Variants in RBFOX1 observed in about 807,000 individuals in gnomAD.
The protein encoded by RBFOX1 is RNA binding fox-1 homolog 1.
Under a neutral mutation model 57.7 loss-of-function variants are expected in RBFOX1, and 8 were observed. That is an observed-to-expected ratio of 0.14 (90% CI 0.08 to 0.25). RBFOX1 has a LOEUF of 0.25. Among genes scored for constraint, RBFOX1 ranks in the 10% least tolerant of loss-of-function variants. The probability of loss-of-function intolerance (pLI) is 1.00; values close to 1 mark genes in which losing one functional copy is unlikely to be tolerated. For synonymous variants in RBFOX1, 326 were observed against 222.4 expected (o/e 1.47, Z -4.15); for missense variants, 611 against 548.5 (o/e 1.11, Z -1.14).
At chr16:6,006,041 G>T (rs2094925296) in intron 4 of RBFOX1, among the ~76,000 whole-genome samples, 1 of 152,232 alleles carries the variant, frequency 6.6e-6, no homozygotes, top group Admixed American at 6.5e-5. Flanking sequence ...GTTAGAACTG[G>T]ATCCTATAGG....
In RBFOX1 at chr16:5,720,154, G is replaced by A. The variant is rs533539647; in HGVS notation, c.318+121193G>A. 3.3e-5 allele frequency among the ~76,000 whole-genome samples: 5 copies of A among 152,266 alleles called. No individual in the cohort carries two copies. The South Asian group carries it at 1.0e-3, about 32-fold the overall frequency. On this transcript the variant is annotated intron_variant, in intron 3 of 19. Coordinates refer to the RBFOX1 transcript ENST00000641259. Reference sequence around the variant, plus strand: ...TAGTATCTCATTGTGGTTTTGAGGTGTATTTCTCCAGTTACTAATGATATT... The same window carrying A: ...TAGTATCTCATTGTGGTTTTGAGGTATATTTCTCCAGTTACTAATGATATT...
At chr16:5,980,494 TCA>T (rs2060150717) in intron 4 of RBFOX1, among the ~76,000 whole-genome samples, 1 of 152,160 alleles carries the variant, frequency 6.6e-6, no homozygotes, top group Non-Finnish European at 1.5e-5. Context: ...TGAGAGCTGT[TCA>T]CAGTTTTTAT....
intron 2 of RBFOX1, among the ~76,000 whole-genome samples, chr16:5,472,323 T>G (rs2151623523): frequency 6.6e-6 from 1 of 152,240 alleles, no homozygotes; most frequent in South Asian, 2.1e-4. Context: ...CTTACAAATG[T>G]GATCTCGTGT....
chr16:6,778,291 G>A (rs535194744), intron 3 of RBFOX1, among the ~76,000 whole-genome samples: 9 of 152,164 alleles, frequency 5.9e-5, no homozygotes, highest in African/African-American at 1.9e-4. Context: ...ACAAACACAT[G>A]CAAAAGTAGA....
At chr16:5,957,979 C>A (rs2059679122) in intron 4 of RBFOX1, among the ~76,000 whole-genome samples, 2 of 152,126 alleles carry the variant, frequency 1.3e-5, no homozygotes, top group African/African-American at 4.8e-5. Flanking sequence ...ATTACTTTTC[C>A]CAGCCTCCGG....
chr16:6,976,674 C>G (rs188944536), intron 3 of RBFOX1, among the ~76,000 whole-genome samples: 21 of 148,810 alleles, frequency 1.4e-4, no homozygotes, highest in Admixed American at 1.2e-3. Flanking sequence ...ATATATATAT[C>G]ATATATATCA....
intron 3 of RBFOX1, among the ~76,000 whole-genome samples, chr16:6,788,844 A>G (rs151007165): frequency 1.3e-5 from 2 of 152,072 alleles, no homozygotes; most frequent in African/African-American, 4.8e-5. Flanking sequence ...TATGTCCTAA[A>G]ATGGCATCGC....
chr16:7,245,305 C>G (rs2094244989), intron 4 of RBFOX1, among the ~76,000 whole-genome samples: 1 of 151,906 alleles, frequency 6.6e-6, no homozygotes, highest in Non-Finnish European at 1.5e-5. Context: ...CTTTTGTTTC[C>G]TGTACTCTTG....
intron 3 of RBFOX1, among the ~76,000 whole-genome samples, chr16:6,839,084 A>C (rs953994804): frequency 1.3e-5 from 2 of 151,916 alleles, no homozygotes; most frequent in Non-Finnish European, 2.9e-5. Flanking sequence ...TCCTGGGTTC[A>C]AGTGATTCTC....
At chr16:7,602,467 C>G (rs1159858160) in intron 9 of RBFOX1, among the ~76,000 whole-genome samples, 1 of 152,164 alleles carries the variant, frequency 6.6e-6, no homozygotes, top group Non-Finnish European at 1.5e-5. Context: ...GTTTAATGTC[C>G]TTGATCAAAA....
intron 4 of RBFOX1, among the ~76,000 whole-genome samples, chr16:7,199,342 T>C (rs181233801): frequency 8.5e-5 from 13 of 152,316 alleles, no homozygotes; most frequent in Admixed American, 8.5e-4. Flanking sequence ...TTTTCTGTTT[T>C]ATCATTTGAA....
At chr16:6,504,843 C>T (rs972058912) in intron 2 of RBFOX1, among the ~76,000 whole-genome samples, 1 of 151,880 alleles carries the variant, frequency 6.6e-6, no homozygotes, top group Non-Finnish European at 1.5e-5. Context: ...ATCACGAGGT[C>T]AGGAGTTCAA....
chr16:6,313,440 G>T (rs2080634168), intron 1 of RBFOX1, among the ~76,000 whole-genome samples: 1 of 152,196 alleles, frequency 6.6e-6, no homozygotes, highest in Non-Finnish European at 1.5e-5. Context: ...CTATGAAGCA[G>T]TTCATGGCAG....
intron 2 of RBFOX1, among the ~76,000 whole-genome samples, chr16:6,426,146 C>G (rs2093921718): frequency 6.6e-6 from 1 of 152,000 alleles, no homozygotes; most frequent in Non-Finnish European, 1.5e-5. Flanking sequence ...CTCTCTGTCT[C>G]TCTTTCTGTC....
At chr16:6,081,299 C>G (rs2095997680) in intron 1 of RBFOX1, among the ~76,000 whole-genome samples, 1 of 152,162 alleles carries the variant, frequency 6.6e-6, no homozygotes, top group Non-Finnish European at 1.5e-5. Context: ...GGACAAGGTT[C>G]CCCCAAGACT....
At chr16:7,034,969 C>T (rs986602320) in intron 3 of RBFOX1, among the ~76,000 whole-genome samples, 3 of 149,788 alleles carry the variant, frequency 2.0e-5, no homozygotes, top group Non-Finnish European at 4.4e-5. Flanking sequence ...ATTCCTCAGC[C>T]TCTGAGTAGC....
In RBFOX1 at chr16:7,520,787, A is replaced by G. The variant is rs893407845; in HGVS notation, c.270+2398A>G. Among the ~76,000 whole-genome samples the G allele has an allele frequency of 3.9e-5, 6 of 152,372 alleles. No individual in the cohort carries two copies. In the South Asian group the frequency reaches 8.3e-4, roughly 21 times the overall value. On this transcript the variant is annotated intron_variant, in intron 5 of 15. Transcript: ENST00000550418. Reference sequence around the variant, plus strand: ...TGTTGGCTATTTTGTGACAATTAATAGTAGTAATGCCTGGATAGGTTATTT... The same window carrying G: ...TGTTGGCTATTTTGTGACAATTAATGGTAGTAATGCCTGGATAGGTTATTT...
intron 2 of RBFOX1, among the ~76,000 whole-genome samples, chr16:6,390,504 A>T (rs2092546309): frequency 6.6e-6 from 1 of 152,176 alleles, no homozygotes; most frequent in South Asian, 2.1e-4. Context: ...AGAACAAAAA[A>T]CAGAGAAGGT....
chr16:5,502,707 T>C (rs2043241393), intron 2 of RBFOX1, among the ~76,000 whole-genome samples: 1 of 152,136 alleles, frequency 6.6e-6, no homozygotes, highest in South Asian at 2.1e-4. Flanking sequence ...CAGAATCCTC[T>C]ATTGAGTTAT....
Sources: allele counts gnomAD v4.1 joint callset (sites outside exome capture counted in the v4.1 genomes callset), GRCh38; gene constraint gnomAD v4.1.1; transcripts MANE v1.5; gene names NCBI Gene and HGNC (gene_info 2026-07-23, HGNC 2026-07-21).